Variants in PFKFB1 observed in about 807,000 individuals in gnomAD.
PFKFB1 encodes 6-phosphofructo-2-kinase/fructose-2,6-biphosphatase 1, also known as 6-phosphofructo-2-kinase/fructose-2,6-bisphosphatase 1.
In PFKFB1, 34 loss-of-function variants were observed where a neutral mutation model predicts 46.4. The ratio of observed to expected loss-of-function variants is 0.73; its 90% CI spans 0.56 to 0.98. PFKFB1 has a LOEUF of 0.98. Ranked by LOEUF, PFKFB1 falls within the 50% of genes least tolerant of loss-of-function variation. The probability of loss-of-function intolerance (pLI) is 0.00; values close to 1 mark genes in which losing one functional copy is unlikely to be tolerated. For synonymous variants in PFKFB1, 119 were observed against 133.8 expected, an observed-to-expected ratio of 0.89 and a Z score of 0.76; for missense variants, 393 against 376.3, an observed-to-expected ratio of 1.04 and a Z score of -0.37.
At chrX:54,980,383 T>A (rs1390107392) in intron 1 of PFKFB1, among the ~76,000 whole-genome samples, 1 of 107,819 alleles carries the variant, frequency 9.3e-6, no homozygotes, top group African/African-American at 3.4e-5. Context: ...AAACAATGTT[T>A]CTTCTCTGGG....
chrX:54,948,357 C>T (rs1466774039), intron 9 of PFKFB1, among the ~76,000 whole-genome samples: 3 of 112,180 alleles, frequency 2.7e-5, no homozygotes, highest in Non-Finnish European at 1.9e-5. Context: ...TCATTCTGGC[C>T]TTCCTCCCAC....
At chrX:54,973,739 C>T (rs914128978) in intron 1 of PFKFB1, among the ~76,000 whole-genome samples, 32 of 110,552 alleles carry the variant, frequency 2.9e-4, no homozygotes, top group African/African-American at 8.9e-4. Context: ...TTACATTTGC[C>T]GAGGACAGCT....
At chrX:54,952,815 T>C (rs1399517162) in intron 7 of PFKFB1, among the ~76,000 whole-genome samples, 1 of 109,952 alleles carries the variant, frequency 9.1e-6, no homozygotes, top group African/African-American at 3.3e-5. Flanking sequence ...AACAAATACT[T>C]GGAAACACAT....
At chrX:54,995,138 A>G (rs1396931577), upstream of PFKFB1, among the ~76,000 whole-genome samples, 1 of 111,267 alleles carries the variant, frequency 9.0e-6, no homozygotes, top group Non-Finnish European at 1.9e-5. Flanking sequence ...CGCTCCCCTG[A>G]CCCGTTGTTT....
chrX:54,953,435 G>A (rs1934045017), intron 7 of PFKFB1, among the ~76,000 whole-genome samples: 1 of 111,863 alleles, frequency 8.9e-6, no homozygotes, highest in African/African-American at 3.3e-5. Context: ...ATCTGGCAGG[G>A]AGTGGGAACT....
chrX:54,991,685 C>T (rs1935246832), intron 1 of PFKFB1, among the ~76,000 whole-genome samples: 1 of 109,863 alleles, frequency 9.1e-6, no homozygotes, highest in Admixed American at 9.8e-5. Context: ...ACTTGCTCTA[C>T]CAGGATAAAG....
intron 1 of PFKFB1, among the ~76,000 whole-genome samples, chrX:54,968,775 T>G (rs972620682): frequency 1.8e-5 from 2 of 111,352 alleles, no homozygotes; most frequent in African/African-American, 6.5e-5. Context: ...ACGGTTTCAC[T>G]GGCAAATTTT....
intron 12 of PFKFB1, 98 bp downstream of exon 12, chrX:54,934,849 G>A: frequency 3.1e-6 from 2 of 652,471 alleles, no homozygotes; most frequent in Non-Finnish European, 4.9e-6. Flanking sequence ...ACCCACCCAG[G>A]AAACCTCCTG....
chrX:54,993,228 C>G (rs186683659), intron 1 of PFKFB1, among the ~76,000 whole-genome samples: 48 of 112,510 alleles, frequency 4.3e-4, no homozygotes, highest in African/African-American at 1.4e-3. Context: ...TTTTGTTTTG[C>G]CCTTGATCTT....
chrX:54,950,759 C>T lies in PFKFB1; in HGVS notation c.846+1146G>A, dbSNP rs1933946621. On this transcript the variant is annotated intron_variant, in intron 8 of 13. Transcript: ENST00000375006. ...GGGAGTCACAGGTCAGCGTCTACCT[C>T]GAGGGGAGGCTGTCAGTCTGGAGGT... is the stretch of plus-strand genomic sequence containing the variant. Among the ~76,000 whole-genome samples the T allele has an allele frequency of 2.7e-5, 3 of 112,242 alleles. No individual in the cohort carries two copies. In the South Asian group the frequency reaches 1.1e-3, roughly 42 times the overall value.
chrX:54,970,403 T>C (rs890806966), intron 1 of PFKFB1, among the ~76,000 whole-genome samples: 1 of 106,754 alleles, frequency 9.4e-6, no homozygotes, highest in African/African-American at 3.4e-5. Context: ...TAGTTACATA[T>C]GTATACATGT....
chrX:54,952,090 A>G lies in PFKFB1; in HGVS notation c.661T>C (p.Phe221Leu). Residue 221 changes from phenylalanine to leucine, a missense_variant, in exon 8 of 14, where the codon TTC becomes CTC. By Grantham distance (22) the Phe-to-Leu change is conservative. Transcript: ENST00000375006. ...ACCATGTAGCGTGTGCCCACGTCGA[A>G]GATCTTGATGTAGGACAGGTGGCTG... ...LDSHLSYIKI[F>L]DVGTRYMVNR... is the part of the protein sequence containing the mutation. The G allele has an allele frequency of 8.3e-7, 1 of 1,210,915 alleles. No individual in the cohort carries two copies. Among genetic ancestry groups the G allele is most frequent in the Non-Finnish European group, 1.1e-6 (1 of 895,053 alleles).
At chrX:54,970,657 GAC>G (rs1265129715) in intron 1 of PFKFB1, among the ~76,000 whole-genome samples, 1 of 41,009 alleles carries the variant, frequency 2.4e-5, no homozygotes, top group Non-Finnish European at 4.2e-5. Context: ...CCCTACAAAG[GAC>G]ATGAACTCAT....
chrX:54,940,032 G>T (rs1478197576), intron 10 of PFKFB1, among the ~76,000 whole-genome samples: 2 of 111,824 alleles, frequency 1.8e-5, no homozygotes, highest in African/African-American at 6.5e-5. Flanking sequence ...ACATCAAAAA[G>T]CTTATCCACT....
chrX:54,958,287 A>T lies in PFKFB1; in HGVS notation c.516+19T>A. On this transcript the variant is annotated intron_variant, in intron 6 of 13. Transcript: ENST00000375006. ...AGCCTAAGGCAGAGCAAAGTGGAAAAGTAACTGGTGGTCCTTACCCTGATG... is the reference window on the plus strand; with the variant it reads ...AGCCTAAGGCAGAGCAAAGTGGAAATGTAACTGGTGGTCCTTACCCTGATG... 1.8e-6 allele frequency: 2 copies of T among 1,138,885 alleles called. No homozygotes were observed. Among genetic ancestry groups the T allele is most frequent in the Non-Finnish European group, 2.4e-6 (2 of 831,074 alleles). The allele number at this position is 1,138,885 out of a possible 1,213,427, so 93.9% of individuals were successfully genotyped here. A position where few individuals can be genotyped will look rare whatever the true frequency, so the allele number is the denominator to read the frequency against.
intron 11 of PFKFB1, 149 bp from the exon 12 acceptor site, chrX:54,935,158 G>A (rs1205731947): frequency 6.1e-6 from 3 of 489,807 alleles, no homozygotes; most frequent in Non-Finnish European, 1.1e-5. Flanking sequence ...CACCCTGCAG[G>A]GGCAGCACTG....
chrX:54,992,644 T>C (rs1040195754), intron 1 of PFKFB1, among the ~76,000 whole-genome samples: 1 of 112,397 alleles, frequency 8.9e-6, no homozygotes, highest in Non-Finnish European at 1.9e-5. Context: ...GAGACTATAT[T>C]AGGTGATTTA....
intron 9 of PFKFB1, 106 bp downstream of exon 9, chrX:54,948,969 T>C: frequency 4.3e-6 from 4 of 922,510 alleles, no homozygotes; most frequent in Non-Finnish European, 6.1e-6. Flanking sequence ...AAAAAGTTTG[T>C]TGAATTAATT....
At chrX:54,980,710 AACAC>A (rs751759536) in intron 1 of PFKFB1, among the ~76,000 whole-genome samples, 25,801 of 83,070 alleles carry the variant, frequency 0.31, 3,385 homozygotes, top group East Asian at 0.46. Context: ...AAAAAAAGCC[AACAC>A]ACACACACAC....
Sources: gnomAD v4.1 joint callset for allele counts (sites outside exome capture counted in the v4.1 genomes callset) on GRCh38, gnomAD v4.1.1 for gene constraint, MANE v1.5 for transcripts, NCBI Gene and HGNC (gene_info 2026-07-23, HGNC 2026-07-21) for gene names.